MAN2A1: variants seen among roughly 807,000 people sequenced by gnomAD.
The protein encoded by MAN2A1 is mannosidase alpha class 2A member 1.
In MAN2A1, 76 loss-of-function variants were observed where a neutral mutation model predicts 142.6. The observed-to-expected ratio is 0.53, with a 90% CI of 0.44 to 0.65. The LOEUF (loss-of-function observed/expected upper bound fraction) is 0.65, where lower values mean the gene tolerates loss of function less well. MAN2A1 is among the 30% of genes least tolerant of loss of function. MAN2A1 has a pLI of 0.00. For synonymous variants in MAN2A1, 559 were observed against 473.2 expected (o/e 1.18, Z -2.35); for missense variants, 1,311 against 1,365.1 (o/e 0.96, Z 0.62).
chr5:109,696,505 C>T (rs932927882), intron 1 of MAN2A1, among the ~76,000 whole-genome samples: 2 of 152,206 alleles, frequency 1.3e-5, no homozygotes, highest in African/African-American at 4.8e-5. Context: ...CCATTTGCTG[C>T]CTCTATCCAG....
rs1007038303 is a variant in MAN2A1, at chr5:109,772,537, T to A, written c.1196+1996T>A. ...GCTCCCCACTTTTTTTGAGACAGGT[T>A]CTCTTTCTGTCACCCAGGCTGAAGT... On this transcript the variant is annotated intron_variant, in intron 7 of 21. Transcript: ENST00000261483. Among the ~76,000 whole-genome samples, 3 of 152,088 alleles carry A rather than the reference T, an allele frequency of 2.0e-5. No individual in the cohort carries two copies. The East Asian group carries it at 5.8e-4, about 29-fold the overall frequency.
Position 109,845,944 on chromosome 5 carries a change from A to G in MAN2A1, c.2780A>G (p.Asp927Gly), listed in dbSNP as rs375843797. 4 of 1,613,584 alleles carry G rather than the reference A, an allele frequency of 2.5e-6. No individual in the cohort carries two copies. Among genetic ancestry groups the G allele is most frequent in the Non-Finnish European group, 3.4e-6 (4 of 1,179,642 alleles). The change falls in exon 18 of 22, where the codon GAT becomes GGT. Residue 927 changes from aspartate (D) to glycine (G), a missense_variant. Physicochemically the swap from Asp to Gly is moderately conservative, Grantham distance 94 (BLOSUM62 -1). This residue lies in a region of MAN2A1 where 890 missense variants were observed against 920.5 expected (regional missense o/e 0.97). Coordinates refer to ENST00000261483, the MANE Select transcript of MAN2A1 (RefSeq NM_002372.4). ...ATGACCACAATGGCCTATATCCAGG[A>G]TGCCAAACATCGTTTGACACTGCTC... ...YPMTTMAYIQDAKHRLTLLSA... is the reference protein window; with the variant it reads ...YPMTTMAYIQGAKHRLTLLSA...
chr5:109,742,538 G>A (rs1354279143), intron 4 of MAN2A1, among the ~76,000 whole-genome samples: 1 of 152,154 alleles, frequency 6.6e-6, no homozygotes, highest in East Asian at 1.9e-4. Flanking sequence ...AATATTTGAT[G>A]TTACATTTTT....
chr5:109,867,157 GAAA>G lies in MAN2A1; in HGVS notation c.*178_*180del, dbSNP rs11351742. 138 of 93,796 alleles carry G rather than the reference GAAA, an allele frequency of 1.5e-3. No homozygotes were observed. The highest frequency in any genetic ancestry group is 1.9e-3 in the Non-Finnish European group (89 of 47,976). 5.8% of individuals were successfully genotyped at this position (93,796 alleles called of 1,614,324 possible). A position where few individuals can be genotyped will look rare whatever the true frequency, so the allele number is the denominator to read the frequency against. On this transcript the variant is annotated 3_prime_UTR_variant, in exon 22 of 22. Transcript: ENST00000261483. ...CTTTTTTCTTTTACCAGTACAGTAA[GAAA>G]AAAAAAAAAAAAAAAAAAGCCATGC...
intron 16 of MAN2A1, among the ~76,000 whole-genome samples, chr5:109,830,002 T>A (rs1332259882): frequency 4.6e-5 from 7 of 152,206 alleles, no homozygotes; most frequent in Admixed American, 3.9e-4. Context: ...CCACCTAAGC[T>A]TCACCATAAA....
chr5:109,780,770 A>C (rs1285031412), intron 8 of MAN2A1, among the ~76,000 whole-genome samples: 3 of 152,284 alleles, frequency 2.0e-5, no homozygotes, highest in Middle Eastern at 3.4e-3. Context: ...GGTGTGTTTA[A>C]GCAGCCAGAC....
At chr5:109,836,866 C>T (rs536247211) in intron 16 of MAN2A1, among the ~76,000 whole-genome samples, 9 of 152,050 alleles carry the variant, frequency 5.9e-5, no homozygotes, top group Non-Finnish European at 1.3e-4. Context: ...GTGCACCACA[C>T]GGTCTTACAA....
Position 109,855,324 on chromosome 5 carries a change from TAC to T in MAN2A1, c.3163_3164del (p.Gln1055ValfsTer10). 3.2e-6 allele frequency: 5 copies of T among 1,580,536 alleles called. No individual in the cohort carries two copies. The highest frequency in any genetic ancestry group is 4.3e-6 in the Non-Finnish European group (5 of 1,166,898). ...ATTCATCTGGTTAATTTGAGAACAATACAGTCAAAGGTATGTCTCAAAATATA... is the reference window on the plus strand; with the variant it reads ...ATTCATCTGGTTAATTTGAGAACAATAGTCAAAGGTATGTCTCAAAATATA... On this transcript the variant is annotated frameshift_variant, in exon 20 of 22. Transcript: ENST00000261483. LOFTEE classifies it high-confidence loss of function.
chr5:109,781,221 A>G (rs1006296633), intron 8 of MAN2A1, among the ~76,000 whole-genome samples, 175 bp from the exon 9 acceptor site: 1 of 152,216 alleles, frequency 6.6e-6, no homozygotes, highest in Non-Finnish European at 1.5e-5. Flanking sequence ...TGTAAGTAAA[A>G]AAAAAGTCAC....
chr5:109,808,023 C>T (rs1415854794), intron 12 of MAN2A1, among the ~76,000 whole-genome samples: 2 of 152,234 alleles, frequency 1.3e-5, no homozygotes, highest in African/African-American at 4.8e-5. Context: ...AAGCTCCAAG[C>T]TCCTTGTAAT....
chr5:109,786,479 G>C (rs17422574), intron 10 of MAN2A1, among the ~76,000 whole-genome samples: 2,990 of 152,082 alleles, frequency 0.02, 52 homozygotes, highest in Non-Finnish European at 0.027. Context: ...AGCTATCATT[G>C]GTTCCTCCAT....
intron 9 of MAN2A1, 35 bp from the exon 10 acceptor site, chr5:109,784,709 G>A: frequency 6.7e-7 from 1 of 1,490,866 alleles, no homozygotes; most frequent in South Asian, 1.4e-5. Context: ...TAAAGTGTTT[G>A]TTTTAAAATA....
At chr5:109,732,014 C>A (rs929562829) in intron 4 of MAN2A1, among the ~76,000 whole-genome samples, 1 of 152,024 alleles carries the variant, frequency 6.6e-6, no homozygotes, top group Non-Finnish European at 1.5e-5. Flanking sequence ...CACATCCTCT[C>A]CAGCACCTGT....
intron 1 of MAN2A1, among the ~76,000 whole-genome samples, chr5:109,706,440 C>T (rs74593612): frequency 0.027 from 4,119 of 152,270 alleles, 77 homozygotes; most frequent in Non-Finnish European, 0.039. Context: ...TCTTTCACAG[C>T]CAGTCCAAGC....
rs1488587470 is a variant in MAN2A1 at position 109,869,358 on chromosome 5, C to T, written c.*2360C>T. ...AGTTTGTGACTGCAGTGTTCAAGAA[C>T]TCAGCATCCTTGTTTTCTACAAATA... On this transcript the variant is annotated 3_prime_UTR_variant, in exon 22 of 22. Coordinates refer to ENST00000261483, the MANE Select transcript of MAN2A1 (RefSeq NM_002372.4). 1 of 152,158 alleles carries T rather than the reference C, an allele frequency of 6.6e-6. No individual in the cohort carries two copies. The highest frequency in any genetic ancestry group is 1.9e-4 in the East Asian group (1 of 5,200). 9.4% of individuals were successfully genotyped at this position (152,158 alleles called of 1,614,324 possible).
At chr5:109,849,555 A>G (rs1229637006) in intron 19 of MAN2A1, among the ~76,000 whole-genome samples, 1 of 151,902 alleles carries the variant, frequency 6.6e-6, no homozygotes, top group Non-Finnish European at 1.5e-5. Context: ...TATCTATCTC[A>G]TTGCCTGAAT....
intron 4 of MAN2A1, among the ~76,000 whole-genome samples, chr5:109,744,752 A>C (rs1427746726): frequency 6.6e-6 from 1 of 152,068 alleles, no homozygotes; most frequent in Non-Finnish European, 1.5e-5. Flanking sequence ...TGGGGGCTCC[A>C]CTCCTAGCAA....
chr5:109,820,004 T>C, intron 14 of MAN2A1, 117 bp downstream of exon 14: 1 of 853,458 alleles, frequency 1.2e-6, no homozygotes, highest in Non-Finnish European at 1.8e-6. Context: ...CAAATACTCT[T>C]GAGTAAAAGG....
chr5:109,737,897 A>G (rs1378766021), intron 4 of MAN2A1, among the ~76,000 whole-genome samples: 1 of 152,200 alleles, frequency 6.6e-6, no homozygotes, highest in Non-Finnish European at 1.5e-5. Flanking sequence ...GATGGCAAGT[A>G]GGTTAGCTGA....
Sources: gnomAD v4.1 joint callset for allele counts (sites outside exome capture counted in the v4.1 genomes callset) on GRCh38, gnomAD v4.1.1 for gene constraint, gnomAD v4.1.1 regional missense constraint, MANE v1.5 for transcripts, NCBI Gene and HGNC (gene_info 2026-07-23, HGNC 2026-07-21) for gene names.